DARS1: variants seen among roughly 807,000 people sequenced by gnomAD.
The protein encoded by DARS1 is aspartyl-tRNA synthetase 1, also known as aspartate--tRNA ligase, cytoplasmic.
A neutral mutation model predicts 68.8 loss-of-function variants in DARS1; 51 were observed. That is an observed-to-expected ratio of 0.74 (90% CI 0.59 to 0.94). DARS1 has a LOEUF of 0.94. Among genes scored for constraint, DARS1 ranks in the 40% least tolerant of loss-of-function variants. The probability of loss-of-function intolerance (pLI) is 0.00; values close to 1 mark genes in which losing one functional copy is unlikely to be tolerated. For synonymous variants in DARS1, 203 were observed against 190.4 expected, an observed-to-expected ratio of 1.07 and a Z score of -0.55; for missense variants, 607 against 597.3, an observed-to-expected ratio of 1.02 and a Z score of -0.17.
chr2:135,967,168 G>C (rs760334322), intron 3 of DARS1, among the ~76,000 whole-genome samples: 7 of 152,148 alleles, frequency 4.6e-5, no homozygotes, highest in Non-Finnish European at 1.5e-5. Context: ...TCATTATTTA[G>C]ATAATGTACC....
rs374540129 is a variant in DARS1, at chr2:135,943,327, T to C, written c.423+51A>G. On this transcript the variant is annotated intron_variant, in intron 5 of 15. Transcript: ENST00000264161. ...CATATAAATTTGACATGAAAACTAT[T>C]AGAACCCAAATCTATTTCTATATGC... 2.5e-6 allele frequency: 4 copies of C among 1,582,232 alleles called. No individual in the cohort carries two copies. In the African/African-American group the frequency reaches 5.5e-5, roughly 22 times the overall value.
At chr2:135,913,528 A>G (rs926836130) in intron 12 of DARS1, among the ~76,000 whole-genome samples, 1 of 152,050 alleles carries the variant, frequency 6.6e-6, no homozygotes, top group Non-Finnish European at 1.5e-5. Flanking sequence ...AGGCCAAGGT[A>G]GGTGAATCAC....
At chr2:135,962,822 G>A (rs1174012483) in intron 3 of DARS1, among the ~76,000 whole-genome samples, 4 of 152,158 alleles carry the variant, frequency 2.6e-5, no homozygotes, top group African/African-American at 9.7e-5. Context: ...AGAGAAACTT[G>A]CAGATGAATA....
rs369152939 is a variant in DARS1 at position 135,920,591 on chromosome 2, G to A, written c.821C>T (p.Ala274Val). ...KVFSIGPVFRAEDSNTHRHLT... is the reference protein window; with the variant it reads ...KVFSIGPVFRVEDSNTHRHLT... ...ATGTCTATGGGTATTAGAGTCTTCCGCTCTGAATACTGTGAAGTTAATAAA... is the reference window on the plus strand; with the variant it reads ...ATGTCTATGGGTATTAGAGTCTTCCACTCTGAATACTGTGAAGTTAATAAA... Residue 274 changes from alanine to valine, a missense_variant, in exon 10 of 16, where the codon GCG becomes GTG. Coordinates refer to ENST00000264161, the MANE Select transcript of DARS1 (RefSeq NM_001349.4). The A allele has an allele frequency of 3.1e-6, 5 of 1,598,230 alleles. No homozygotes were observed. Among genetic ancestry groups the A allele is most frequent in the Admixed American group, 1.8e-5 (1 of 56,004 alleles).
Position 135,932,848 on chromosome 2 carries a change from A to AG in DARS1, c.505-7_505-6insC. ...TTAACAGTAGCTCTTCCTTCCTAAA[A>AG]AAAAAAAAAAAGAAAAGAAAAAAAT... On this transcript the variant is annotated splice_region_variant and splice_polypyrimidine_tract_variant and intron_variant, in intron 6 of 15. Transcript: ENST00000264161. 1 of 1,190,078 alleles carries AG rather than the reference A, an allele frequency of 8.4e-7. No individual in the cohort carries two copies. Among genetic ancestry groups the AG allele is most frequent in the Non-Finnish European group, 1.2e-6 (1 of 826,564 alleles). The allele number at this position is 1,190,078 out of a possible 1,614,324, so 73.7% of individuals were successfully genotyped here. A position where few individuals can be genotyped will look rare whatever the true frequency, so the allele number is the denominator to read the frequency against.
At chr2:135,968,136 T>C (rs1281587954) in intron 3 of DARS1, among the ~76,000 whole-genome samples, 1 of 151,954 alleles carries the variant, frequency 6.6e-6, no homozygotes, top group African/African-American at 2.4e-5. Context: ...GGTGCATGCC[T>C]GTAGTCCCAG....
At chr2:135,952,918 G>A (rs1349250133) in intron 4 of DARS1, among the ~76,000 whole-genome samples, 1 of 152,038 alleles carries the variant, frequency 6.6e-6, no homozygotes, top group Admixed American at 6.6e-5. Context: ...TGGATCATAT[G>A]GTAGTTCTAT....
At chr2:135,963,459 C>T (rs2104835635) in intron 3 of DARS1, among the ~76,000 whole-genome samples, 1 of 151,750 alleles carries the variant, frequency 6.6e-6, no homozygotes, top group East Asian at 1.9e-4. Flanking sequence ...GCAACCTCCG[C>T]CCCCCGGGTT....
intron 5 of DARS1, among the ~76,000 whole-genome samples, chr2:135,937,585 T>C (rs1681498290): frequency 6.6e-6 from 1 of 152,230 alleles, no homozygotes; most frequent in South Asian, 2.1e-4. Flanking sequence ...CTTCCTAGCA[T>C]CGACGGTCTT....
intron 4 of DARS1, among the ~76,000 whole-genome samples, chr2:135,953,664 A>G (rs1424607533): frequency 6.6e-6 from 1 of 152,140 alleles, no homozygotes; most frequent in Admixed American, 6.6e-5. Context: ...TGTCACTGAA[A>G]ACATGAAACT....
intron 7 of DARS1, among the ~76,000 whole-genome samples, chr2:135,932,416 T>C (rs968893884): frequency 6.6e-6 from 1 of 152,194 alleles, no homozygotes; most frequent in African/African-American, 2.4e-5. Context: ...CTCCACCTGG[T>C]TGATCTCAAA....
chr2:135,937,413 T>TA (rs541997886), intron 5 of DARS1, among the ~76,000 whole-genome samples: 90 of 151,120 alleles, frequency 6.0e-4, no homozygotes, highest in Non-Finnish European at 1.1e-3. Flanking sequence ...AAGTCTTCTT[T>TA]AAAAAAAAAG....
intron 9 of DARS1, among the ~76,000 whole-genome samples, chr2:135,921,850 A>C (rs750731960): frequency 3.3e-5 from 5 of 152,196 alleles, no homozygotes; most frequent in Admixed American, 2.6e-4. Flanking sequence ...TTTTATGTAC[A>C]TGGTACCTAG....
chr2:135,982,478 C>T (rs528807596), intron 2 of DARS1, among the ~76,000 whole-genome samples: 24 of 151,644 alleles, frequency 1.6e-4, no homozygotes, highest in Non-Finnish European at 3.4e-4. Flanking sequence ...CGCCTGTAGT[C>T]CCAGCTGCTC....
At chr2:135,940,796 C>G (rs144088309) in intron 5 of DARS1, among the ~76,000 whole-genome samples, 3 of 152,040 alleles carry the variant, frequency 2.0e-5, no homozygotes, top group African/African-American at 7.2e-5. Context: ...TAAGCTGATA[C>G]GCAACTTCAG....
At chr2:135,934,017 G>T (rs1274807294) in intron 5 of DARS1, 27 bp from the exon 6 acceptor site, 1 of 1,602,156 alleles carries the variant, frequency 6.2e-7, no homozygotes, top group Non-Finnish European at 8.5e-7. Flanking sequence ...ACCAAAAATA[G>T]TAGAAAGCAC....
At chr2:135,968,687 A>G (rs1682292893) in intron 3 of DARS1, among the ~76,000 whole-genome samples, 1 of 142,238 alleles carries the variant, frequency 7.0e-6, no homozygotes, top group Non-Finnish European at 1.5e-5. Flanking sequence ...TTTGAGACAG[A>G]GTCTCACTCT....
intron 7 of DARS1, among the ~76,000 whole-genome samples, chr2:135,926,509 A>G (rs1385670185): frequency 6.6e-6 from 1 of 152,216 alleles, no homozygotes; most frequent in Non-Finnish European, 1.5e-5. Flanking sequence ...GGATTTACAT[A>G]CTGGAGAATA....
At chr2:135,962,681 T>C (rs1288939396) in intron 3 of DARS1, among the ~76,000 whole-genome samples, 3 of 152,184 alleles carry the variant, frequency 2.0e-5, no homozygotes, top group Admixed American at 1.3e-4. Context: ...TAAAAAACAC[T>C]CTTAATTTTC....
Sources: gnomAD v4.1 joint callset for allele counts (sites outside exome capture counted in the v4.1 genomes callset) on GRCh38, gnomAD v4.1.1 for gene constraint, MANE v1.5 for transcripts, NCBI Gene and HGNC (gene_info 2026-07-23, HGNC 2026-07-21) for gene names.